Variants in C6orf62 observed in about 807,000 individuals in gnomAD.
The protein encoded by C6orf62 is uncharacterized protein C6orf62.
In C6orf62, 16 loss-of-function variants were observed where a neutral mutation model predicts 26.8. The ratio of observed to expected loss-of-function variants is 0.60; its 90% CI spans 0.40 to 0.91. The LOEUF (loss-of-function observed/expected upper bound fraction) is 0.91. C6orf62 is among the 40% of genes least tolerant of loss of function. The pLI, the probability that C6orf62 is intolerant of heterozygous loss-of-function variation, is 0.00. For synonymous variants in C6orf62, 112 were observed against 91.5 expected (o/e 1.22, Z -1.28); for missense variants, 192 against 271.4 (o/e 0.71, Z 2.06).
intron 3 of C6orf62, chr6:24,710,316 A>G (rs1779095284): frequency 2.4e-6 from 2 of 841,426 alleles, no homozygotes; most frequent in East Asian, 1.2e-4. Context: ...CCCAGGCTGG[A>G]GTGCAATGGC....
upstream of C6orf62, chr6:24,720,467 C>A: frequency 4.0e-6 from 4 of 991,998 alleles, no homozygotes; most frequent in Non-Finnish European, 3.7e-6. Flanking sequence ...TGGGCGGCAA[C>A]GGAGGGGAAG....
At chr6:24,706,349 A>G (rs1273932437) in intron 4 of C6orf62, 87 bp from the exon 5 acceptor site, 1 of 1,525,710 alleles carries the variant, frequency 6.6e-7, no homozygotes, top group Non-Finnish European at 8.8e-7. Context: ...AATTTATTAA[A>G]CATCTTAACA....
At chr6:24,710,544 G>A (rs770971178) in intron 3 of C6orf62, 11 of 975,160 alleles carry the variant, frequency 1.1e-5, no homozygotes, top group African/African-American at 1.8e-5. Flanking sequence ...GATTACAGGC[G>A]TGAGCAACCG....
At chr6:24,707,490 T>C (rs1724600409) in intron 4 of C6orf62, among the ~76,000 whole-genome samples, 1 of 151,860 alleles carries the variant, frequency 6.6e-6, no homozygotes, top group African/African-American at 2.4e-5. Flanking sequence ...CCAGAGTAGC[T>C]AGGACCACAG....
intron 1 of C6orf62, 150 bp downstream of exon 1, chr6:24,718,390 T>G: frequency 1.4e-6 from 1 of 713,418 alleles, no homozygotes; most frequent in Non-Finnish European, 2.2e-6. Flanking sequence ...ATTCACAGAA[T>G]CACCCCTAAG....
At chr6:24,719,961 T>A, upstream of C6orf62, 4 of 1,547,842 alleles carry the variant, frequency 2.6e-6, no homozygotes, top group South Asian at 4.8e-5. Context: ...AATGGGAAGG[T>A]TCAGTGGGGG....
chr6:24,708,947 A>C (rs760503898), intron 3 of C6orf62, 36 bp from the exon 4 acceptor site: 4 of 1,612,986 alleles, frequency 2.5e-6, no homozygotes, highest in Admixed American at 1.7e-5. Flanking sequence ...TTAAACTACA[A>C]ACAAGTTATA....
chr6:24,714,931 TTA>T (rs770132744), intron 2 of C6orf62, among the ~76,000 whole-genome samples: 1 of 152,316 alleles, frequency 6.6e-6, no homozygotes, highest in Non-Finnish European at 1.5e-5. Flanking sequence ...ATTTTAATTT[TTA>T]TCTTACAGAG....
intron 4 of C6orf62, among the ~76,000 whole-genome samples, chr6:24,707,308 T>C (rs1401512590): frequency 6.6e-6 from 1 of 152,054 alleles, no homozygotes; most frequent in Admixed American, 6.6e-5. Context: ...AAAAACTAAA[T>C]TGCAATACTT....
chr6:24,720,294 C>T, upstream of C6orf62: 3 of 1,304,544 alleles, frequency 2.3e-6, no homozygotes, highest in Non-Finnish European at 2.9e-6. Context: ...GAGGCGGCGG[C>T]GGCGGGGGCG....
chr6:24,709,529 C>T, intron 3 of C6orf62: 1 of 980,050 alleles, frequency 1.0e-6, no homozygotes, highest in African/African-American at 1.7e-5. Context: ...AAGGCTGTAA[C>T]CCATTTCACA....
chr6:24,715,459 A>T (rs189464590), intron 2 of C6orf62, among the ~76,000 whole-genome samples: 36 of 152,354 alleles, frequency 2.4e-4, no homozygotes, highest in African/African-American at 8.2e-4. Context: ...TAATACAACA[A>T]AGTTGTCCAT....
chr6:24,712,682 C>A, intron 3 of C6orf62, among the ~76,000 whole-genome samples: 1 of 94,574 alleles, frequency 1.1e-5, no homozygotes. Flanking sequence ...CAGAGTGAGA[C>A]TCTGTCTCAA....
rs1220317367 is a variant in C6orf62, at chr6:24,718,865, CA to C, written c.-198del. 7.1e-7 allele frequency: 1 copy of C among 1,412,466 alleles called. No homozygotes were observed. The highest frequency in any genetic ancestry group is 9.2e-7 in the Non-Finnish European group (1 of 1,091,178). 87.5% of individuals were successfully genotyped at this position (1,412,466 alleles called of 1,614,324 possible). ...ACTGTCATATTACAGGGTCAAGAAA[CA>C]AAAGCTGCTGTCCAGTCATGTTTGG... On this transcript the variant is annotated 5_prime_UTR_variant, in exon 1 of 5. It introduces an in-frame stop codon into an upstream open reading frame of the 5' UTR. Coordinates refer to ENST00000378119, the MANE Select transcript of C6orf62 (RefSeq NM_030939.5).
chr6:24,708,752 A>G, intron 4 of C6orf62, 25 bp downstream of exon 4: 1 of 1,614,120 alleles, frequency 6.2e-7, no homozygotes, highest in East Asian at 2.2e-5. Flanking sequence ...TGAGCCTGTA[A>G]GTGGTTTTCA....
chr6:24,709,220 A>G (rs1193486367), intron 3 of C6orf62: 3 of 984,650 alleles, frequency 3.0e-6, no homozygotes, highest in East Asian at 1.1e-4. Context: ...AGAGAATTCT[A>G]TTGGACAGTA....
intron 1 of C6orf62, among the ~76,000 whole-genome samples, chr6:24,716,628 A>G (rs973033491): frequency 5.3e-5 from 8 of 152,240 alleles, no homozygotes; most frequent in African/African-American, 1.9e-4. Flanking sequence ...TTTTAAAACA[A>G]CGCTATTCAG....
At position 24,705,010 on chromosome 6, in the gene C6orf62, ATTCAGAT is replaced by A. The variant is rs1778976933; in HGVS notation, c.*1120_*1126del. The A allele has an allele frequency of 6.6e-6, 1 of 151,788 alleles. No homozygotes were observed. The highest frequency in any genetic ancestry group is 6.6e-5 in the Admixed American group (1 of 15,206). 9.4% of individuals were successfully genotyped at this position (151,788 alleles called of 1,614,324 possible). A position where few individuals can be genotyped will look rare whatever the true frequency, so the allele number is the denominator to read the frequency against. Reference sequence around the variant, plus strand: ...AGTTTTACTCCAAAGGAGTAGGATCATTCAGATTTACTCCAATAAAAGTATGCAACCC... The same window carrying A: ...AGTTTTACTCCAAAGGAGTAGGATCATTACTCCAATAAAAGTATGCAACCC... On this transcript the variant is annotated 3_prime_UTR_variant, in exon 5 of 5. Coordinates refer to ENST00000378119, the MANE Select transcript of C6orf62 (RefSeq NM_030939.5).
chr6:24,709,268 T>G lies in C6orf62; in HGVS notation c.430-357A>C, dbSNP rs138444008. 10 of 985,428 alleles carry G rather than the reference T, an allele frequency of 1.0e-5. No individual in the cohort carries two copies. In the East Asian group the frequency reaches 1.1e-3, roughly 112 times the overall value. The allele number at this position is 985,428 out of a possible 1,614,324, so 61.0% of individuals were successfully genotyped here. A position where few individuals can be genotyped will look rare whatever the true frequency, so the allele number is the denominator to read the frequency against. ...GCAGTTGATCAGGAAATGCTCTGCA[T>G]CAAAATGACTAAATCCTAGTACTCC... On this transcript the variant is annotated intron_variant, in intron 3 of 4. Coordinates refer to ENST00000378119, the MANE Select transcript of C6orf62 (RefSeq NM_030939.5).
Sources: gnomAD v4.1 joint callset for allele counts (sites outside exome capture counted in the v4.1 genomes callset) on GRCh38, gnomAD v4.1.1 for gene constraint, MANE v1.5 for transcripts, NCBI Gene and HGNC (gene_info 2026-07-23, HGNC 2026-07-21) for gene names.